JAZF1: variants seen among roughly 807,000 people sequenced by gnomAD.
JAZF1 encodes JAZF zinc finger 1.
In JAZF1, 8 loss-of-function variants were observed where a neutral mutation model predicts 26.4. The observed-to-expected ratio is 0.30, with a 90% CI of 0.18 to 0.55. The LOEUF (loss-of-function observed/expected upper bound fraction) is 0.55. JAZF1 is among the 20% of genes least tolerant of loss of function. The pLI is 0.94. For synonymous variants in JAZF1, 126 were observed against 122.3 expected, an observed-to-expected ratio of 1.03 and a Z score of -0.20; for missense variants, 199 against 322.0, an observed-to-expected ratio of 0.62 and a Z score of 2.92.
chr7:28,095,516 T>C (rs1001468407), intron 1 of JAZF1, among the ~76,000 whole-genome samples: 6 of 152,064 alleles, frequency 3.9e-5, no homozygotes, highest in Non-Finnish European at 7.4e-5. Flanking sequence ...ATGATTCAAT[T>C]ACCTACAGCT....
chr7:27,853,315 G>A (rs1263942166), intron 3 of JAZF1, among the ~76,000 whole-genome samples: 1 of 152,160 alleles, frequency 6.6e-6, no homozygotes. Flanking sequence ...CCCAGTAGGG[G>A]CCATTGTGTA....
At chr7:28,084,990 C>T (rs1439861256) in intron 1 of JAZF1, among the ~76,000 whole-genome samples, 1 of 152,186 alleles carries the variant, frequency 6.6e-6, no homozygotes, top group Admixed American at 6.5e-5. Flanking sequence ...CACCTCAGGA[C>T]TCTGTAGAGT....
chr7:28,065,485 T>C (rs926815058), intron 1 of JAZF1, among the ~76,000 whole-genome samples: 1 of 152,178 alleles, frequency 6.6e-6, no homozygotes, highest in African/African-American at 2.4e-5. Flanking sequence ...ACTTTGTTTA[T>C]TGCACAATGT....
At chr7:27,958,189 A>G (rs932923466) in intron 2 of JAZF1, among the ~76,000 whole-genome samples, 3 of 152,214 alleles carry the variant, frequency 2.0e-5, no homozygotes, top group African/African-American at 7.2e-5. Flanking sequence ...GATCTTATCA[A>G]TTTTGGATAT....
intron 1 of JAZF1, among the ~76,000 whole-genome samples, chr7:28,132,958 G>T (rs963694311): frequency 5.3e-5 from 8 of 152,086 alleles, no homozygotes; most frequent in African/African-American, 1.9e-4. Context: ...ACTTTCAAGA[G>T]AATTTGTGTA....
intron 2 of JAZF1, among the ~76,000 whole-genome samples, chr7:27,929,979 C>CCTCT (rs367764460): frequency 1.7e-4 from 24 of 143,660 alleles, no homozygotes; most frequent in Admixed American, 4.2e-4. Context: ...TCCCTCCCTC[C>CCTCT]CTCTCTCTCT....
rs137972935 is a variant in JAZF1, at chr7:28,037,550, C to A, written c.116-45569G>T. On this transcript the variant is annotated intron_variant, in intron 1 of 4. Transcript: ENST00000283928. ...TTCCCCAGATCAGTAACTAGCTGTG[C>A]GGCTTTGAACGGGTCCCTTCACTTC... Among the ~76,000 whole-genome samples the A allele has an allele frequency of 2.6e-5, 4 of 152,268 alleles. No individual in the cohort carries two copies. The East Asian group carries it at 7.7e-4, about 29-fold the overall frequency.
chr7:28,171,540 C>T (rs1783469722), intron 1 of JAZF1, among the ~76,000 whole-genome samples: 1 of 152,204 alleles, frequency 6.6e-6, no homozygotes, highest in East Asian at 1.9e-4. Flanking sequence ...GGTGACCACA[C>T]AGTTCAGAGC....
At position 27,895,412 on chromosome 7, in the gene JAZF1, T is replaced by C. The variant is rs749656769; in HGVS notation, c.193A>G (p.Met65Val). The change falls in exon 3 of 5, where the codon ATG becomes GTG. Residue 65 changes from methionine to valine, a missense_variant. This residue lies in a region of JAZF1 where 137 missense variants were observed against 184.8 expected (regional missense o/e 0.74). Transcript: ENST00000283928. ...YVALSYINRF[M>V]TDAARREQES... The stretch of plus-strand genomic sequence containing the variant: ...TGCTCTCGGCGGGCAGCATCTGTCA[T>C]GAATCTGAAACAATAATGGAAGGTA... 1.3e-5 allele frequency: 20 copies of C among 1,595,964 alleles called. No individual in the cohort carries two copies. The Middle Eastern group carries it at 1.5e-3, about 121-fold the overall frequency.
chr7:28,039,658 T>A (rs1190312812), intron 1 of JAZF1, among the ~76,000 whole-genome samples: 1 of 152,174 alleles, frequency 6.6e-6, no homozygotes, highest in Non-Finnish European at 1.5e-5. Flanking sequence ...TCTGAAAATT[T>A]TGGAATTATC....
intron 1 of JAZF1, among the ~76,000 whole-genome samples, chr7:28,166,986 G>A (rs1007629850): frequency 2.6e-5 from 4 of 152,144 alleles, no homozygotes; most frequent in African/African-American, 9.7e-5. Context: ...GAGACTTTGA[G>A]GAGTATGTGG....
At chr7:27,894,758 CA>C (rs1784030614) in intron 3 of JAZF1, among the ~76,000 whole-genome samples, 1 of 152,194 alleles carries the variant, frequency 6.6e-6, no homozygotes, top group African/African-American at 2.4e-5. Flanking sequence ...CCCTTCTTCT[CA>C]AGGTGTTGTA....
intron 1 of JAZF1, among the ~76,000 whole-genome samples, chr7:28,024,345 A>G (rs554700465): frequency 2.6e-5 from 4 of 152,266 alleles, no homozygotes; most frequent in East Asian, 1.9e-4. Flanking sequence ...AGAGAACAGC[A>G]TATTAAAAGT....
intron 1 of JAZF1, among the ~76,000 whole-genome samples, chr7:28,096,291 A>G (rs2127924994): frequency 6.6e-6 from 1 of 152,346 alleles, no homozygotes; most frequent in East Asian, 1.9e-4. Context: ...CTATGAGTAA[A>G]AGGCAACACT....
intron 1 of JAZF1, chr7:28,020,912 T>G: frequency 3.2e-6 from 1 of 316,988 alleles, no homozygotes; most frequent in Middle Eastern, 1.1e-3. Context: ...AGGGAGGAAG[T>G]CAGGAAATAG....
At chr7:28,173,752 G>A (rs1385645334) in intron 1 of JAZF1, among the ~76,000 whole-genome samples, 1 of 151,890 alleles carries the variant, frequency 6.6e-6, no homozygotes, top group Non-Finnish European at 1.5e-5. Flanking sequence ...CTCTGGTGCT[G>A]GGCAGACAGT....
chr7:28,050,093 T>C lies in JAZF1; in HGVS notation c.116-58112A>G, dbSNP rs146867787. On this transcript the variant is annotated intron_variant, in intron 1 of 4. Transcript: ENST00000283928. ...AGAGTTGCCTCATTAAAACAACAGATAGTCCTGTCACTCAGGAAATTCCAT... is the reference window on the plus strand; with the variant it reads ...AGAGTTGCCTCATTAAAACAACAGACAGTCCTGTCACTCAGGAAATTCCAT... 4.2e-3 allele frequency among the ~76,000 whole-genome samples: 640 copies of C among 152,032 alleles called. 5 individuals carry two copies. The highest frequency in any genetic ancestry group is 6.6e-3 in the Non-Finnish European group (447 of 67,960).
intron 1 of JAZF1, among the ~76,000 whole-genome samples, chr7:28,053,739 C>T (rs1401790136): frequency 6.6e-6 from 1 of 152,130 alleles, no homozygotes; most frequent in African/African-American, 2.4e-5. Context: ...AACACTGGCA[C>T]TTGGCTTTTG....
chr7:27,886,580 G>A (rs79889177), intron 3 of JAZF1, among the ~76,000 whole-genome samples: 9,764 of 152,222 alleles, frequency 0.064, 412 homozygotes, highest in Middle Eastern at 0.086. Context: ...TTGAAACAGC[G>A]TAGAATGACC....
Sources: allele counts gnomAD v4.1 joint callset (sites outside exome capture counted in the v4.1 genomes callset), GRCh38; gene constraint gnomAD v4.1.1; regional missense constraint gnomAD v4.1.1; transcripts MANE v1.5; gene names NCBI Gene and HGNC (gene_info 2026-07-23, HGNC 2026-07-21).